TNS3: variants seen among roughly 807,000 people sequenced by gnomAD.
TNS3 encodes tensin-3.
A neutral mutation model predicts 140.9 loss-of-function variants in TNS3; 45 were observed. The observed-to-expected ratio is 0.32, with a 90% confidence interval of 0.25 to 0.41. The LOEUF (loss-of-function observed/expected upper bound fraction) is 0.41, where lower values mean the gene tolerates loss of function less well. TNS3 is among the 10% of genes least tolerant of loss of function. The probability of loss-of-function intolerance (pLI) is 1.00; values close to 1 mark genes in which losing one functional copy is unlikely to be tolerated. For missense variants in TNS3, 1,716 were observed against 1,906.7 expected (o/e 0.90, Z 1.86); for synonymous variants, 815 against 788.4 (o/e 1.03, Z -0.56).
At chr7:47,319,407 G>A (rs1787600889) in intron 20 of TNS3, among the ~76,000 whole-genome samples, 2 of 152,032 alleles carry the variant, frequency 1.3e-5, no homozygotes, top group African/African-American at 4.8e-5. Context: ...GAGTGATAGA[G>A]AGAGAGACAG....
chr7:47,529,158 A>C lies in TNS3; in HGVS notation c.-264-11T>G. On this transcript the variant is annotated splice_polypyrimidine_tract_variant and intron_variant, in intron 1 of 30. Coordinates refer to ENST00000311160, the MANE Select transcript of TNS3 (RefSeq NM_022748.12). ...GGTTAATTCTTCCGGCTGAAAAAGT[A>C]AAGGAAGAAATTGTCAACGTTTCAT... 2 of 1,239,494 alleles carry C rather than the reference A, an allele frequency of 1.6e-6. No individual in the cohort carries two copies. The highest frequency in any genetic ancestry group is 2.1e-6 in the Non-Finnish European group (2 of 955,898). 76.8% of individuals were successfully genotyped at this position (1,239,494 alleles called of 1,614,324 possible). A position where few individuals can be genotyped will look rare whatever the true frequency, so the allele number is the denominator to read the frequency against.
intron 27 of TNS3, among the ~76,000 whole-genome samples, chr7:47,289,329 C>T (rs762243650): frequency 2.6e-5 from 4 of 152,158 alleles, no homozygotes; most frequent in Non-Finnish European, 4.4e-5. Context: ...ACAATAAACA[C>T]CTACCTTGCA....
intron 17 of TNS3, among the ~76,000 whole-genome samples, chr7:47,348,789 C>CA (rs1562621850): frequency 6.6e-6 from 1 of 152,210 alleles, no homozygotes; most frequent in African/African-American, 2.4e-5. Context: ...GTTGGAAACT[C>CA]ACTGGCTTCA....
chr7:47,335,457 G>A (rs1039768772), intron 20 of TNS3, among the ~76,000 whole-genome samples: 3 of 152,230 alleles, frequency 2.0e-5, no homozygotes, highest in African/African-American at 7.2e-5. Flanking sequence ...TATGCATAAT[G>A]TGAGCAGATA....
intron 2 of TNS3, among the ~76,000 whole-genome samples, chr7:47,508,781 C>T (rs1202114563): frequency 6.6e-6 from 1 of 152,200 alleles, no homozygotes; most frequent in Admixed American, 6.5e-5. Context: ...TCCTGGTCTC[C>T]AGGATCACTC....
chr7:47,474,542 TCAG>T (rs1380217039), intron 4 of TNS3, among the ~76,000 whole-genome samples: 1 of 123,912 alleles, frequency 8.1e-6, no homozygotes, highest in African/African-American at 3.2e-5. Context: ...ACAACACACT[TCAG>T]CACAACACAC....
intron 8 of TNS3, among the ~76,000 whole-genome samples, chr7:47,434,037 G>C (rs892723011): frequency 2.0e-5 from 3 of 151,992 alleles, no homozygotes; most frequent in African/African-American, 7.3e-5. Flanking sequence ...TGTCCATTTG[G>C]GGGGAAAATA....
At chr7:47,305,337 C>T (rs566288381) in intron 20 of TNS3, among the ~76,000 whole-genome samples, 1 of 152,364 alleles carries the variant, frequency 6.6e-6, no homozygotes, top group African/African-American at 2.4e-5. Flanking sequence ...GCCCCATCCC[C>T]CACAAAGGCT....
chr7:47,533,164 G>C (rs571403900), intron 1 of TNS3, among the ~76,000 whole-genome samples: 1 of 105,698 alleles, frequency 9.5e-6, no homozygotes, highest in Non-Finnish European at 1.7e-5. Flanking sequence ...ACAGAGTCTC[G>C]CTCTGTCGCC....
intron 4 of TNS3, among the ~76,000 whole-genome samples, chr7:47,446,688 CTTTTTTTTTTTTTTTTTTT>C (rs144042398): frequency 8.3e-5 from 8 of 96,732 alleles, no homozygotes; most frequent in African/African-American, 3.2e-4. Flanking sequence ...TCCAGGCTGC[CTTTTTTTTTTTTTTTTTTT>C]TTTTTTGAGT....
chr7:47,573,033 G>T (rs930243974), intron 1 of TNS3, among the ~76,000 whole-genome samples: 1 of 152,188 alleles, frequency 6.6e-6, no homozygotes, highest in Non-Finnish European at 1.5e-5. Context: ...GAAATCAAGG[G>T]TCACGTGTGG....
chr7:47,359,658 A>G (rs982195541), intron 17 of TNS3, among the ~76,000 whole-genome samples: 3 of 152,226 alleles, frequency 2.0e-5, no homozygotes, highest in African/African-American at 7.2e-5. Flanking sequence ...CTCAAAATTC[A>G]TATGACTTTA....
intron 1 of TNS3, among the ~76,000 whole-genome samples, chr7:47,568,707 C>T (rs1800484477): frequency 1.3e-5 from 2 of 152,244 alleles, no homozygotes; most frequent in South Asian, 2.1e-4. Flanking sequence ...ATATCGCATT[C>T]GTGCAGCTGC....
rs118112505 is a variant in TNS3, at chr7:47,511,094, G to A, written c.-152-4150C>T. ...AAGATGCACTTGGTGTGCAAGACAG[G>A]CCAGTGGATTTTAATAAAACAGCGT... On this transcript the variant is annotated intron_variant, in intron 2 of 30. Coordinates refer to ENST00000311160, the MANE Select transcript of TNS3 (RefSeq NM_022748.12). Among the ~76,000 whole-genome samples, 1,397 of 152,308 alleles carry A rather than the reference G, an allele frequency of 9.2e-3. 6 individuals are homozygous for A. Among genetic ancestry groups the A allele is most frequent in the Middle Eastern group, 0.017 (5 of 294 alleles).
chr7:47,498,438 A>C (rs954973455), intron 3 of TNS3, among the ~76,000 whole-genome samples: 7 of 152,180 alleles, frequency 4.6e-5, no homozygotes, highest in African/African-American at 1.7e-4. Flanking sequence ...CAGAGCTGCT[A>C]ATTAGGTTAC....
At chr7:47,530,419 GTAATGGAGA>G (rs1799350071) in intron 1 of TNS3, among the ~76,000 whole-genome samples, 1 of 152,076 alleles carries the variant, frequency 6.6e-6, no homozygotes, top group East Asian at 1.9e-4. Flanking sequence ...TAACATATGT[GTAATGGAGA>G]CTGACGGAGA....
intron 17 of TNS3, among the ~76,000 whole-genome samples, chr7:47,353,906 C>A (rs920905782): frequency 2.6e-5 from 4 of 151,892 alleles, no homozygotes; most frequent in African/African-American, 9.7e-5. Flanking sequence ...CCCACTCACA[C>A]CTGCAGAAAG....
intron 1 of TNS3, among the ~76,000 whole-genome samples, chr7:47,536,840 C>T (rs533928345): frequency 6.6e-6 from 1 of 152,318 alleles, no homozygotes; most frequent in East Asian, 1.9e-4. Flanking sequence ...GACGTGCAGA[C>T]GGGGTGCACA....
chr7:47,314,808 G>A (rs1787301079), intron 20 of TNS3, among the ~76,000 whole-genome samples: 2 of 152,190 alleles, frequency 1.3e-5, no homozygotes, highest in Non-Finnish European at 2.9e-5. Context: ...GTCTTGGACA[G>A]GGGCATCTGC....
Sources: gnomAD v4.1 joint callset for allele counts (sites outside exome capture counted in the v4.1 genomes callset) on GRCh38, gnomAD v4.1.1 for gene constraint, MANE v1.5 for transcripts, NCBI Gene and HGNC (gene_info 2026-07-23, HGNC 2026-07-21) for gene names.